The following XRCC5 variants were observed in gnomAD, a reference collection of about 807,000 sequenced individuals.
XRCC5 encodes the protein X-ray repair cross complementing 5.
Under a neutral mutation model 95.7 loss-of-function variants are expected in XRCC5, and 12 were observed. The observed-to-expected ratio is 0.13, with a 90% CI of 0.08 to 0.20. The LOEUF (loss-of-function observed/expected upper bound fraction) is 0.20. Ranked by LOEUF, XRCC5 falls within the 10% of genes least tolerant of loss-of-function variation. The probability of loss-of-function intolerance (pLI) is 1.00; values close to 1 mark genes in which losing one functional copy is unlikely to be tolerated. For synonymous variants in XRCC5, 281 were observed against 290.3 expected (o/e 0.97, Z 0.33); for missense variants, 595 against 873.9 (o/e 0.68, Z 4.02).
At chr2:216,202,538 A>G (rs544282837) in intron 19 of XRCC5, among the ~76,000 whole-genome samples, 1 of 152,332 alleles carries the variant, frequency 6.6e-6, no homozygotes, top group Non-Finnish European at 1.5e-5. Context: ...AACAGAATGA[A>G]TGAAACAGAA....
rs1689532925 is a variant in XRCC5, at chr2:216,187,850, CT to C, written c.1835-2374del. On this transcript the variant is annotated intron_variant, in intron 16 of 20. Coordinates refer to ENST00000392132, the MANE Select transcript of XRCC5 (RefSeq NM_021141.4). ...TCTCTCTCTCTCTCTCTCTCTCTCT[CT>C]CTCTCTCTCTCCCCGTCTCCCTGTC... 5.8e-5 allele frequency among the ~76,000 whole-genome samples: 8 copies of C among 138,318 alleles called. No individual in the cohort carries two copies. In the South Asian group the frequency reaches 1.2e-3, roughly 21 times the overall value. The allele number at this position is 138,318 out of a possible 152,430, so 90.7% of individuals were successfully genotyped here.
intron 19 of XRCC5, among the ~76,000 whole-genome samples, chr2:216,203,407 A>G (rs1263857816): frequency 1.3e-5 from 2 of 152,196 alleles, no homozygotes; most frequent in Non-Finnish European, 2.9e-5. Flanking sequence ...GCATTGCTAG[A>G]TAGATATGCA....
chr2:216,167,256 T>TG (rs1689068393), intron 16 of XRCC5, among the ~76,000 whole-genome samples: 1 of 152,200 alleles, frequency 6.6e-6, no homozygotes, highest in Admixed American at 6.5e-5. Context: ...CTAGAGTCTT[T>TG]TTGCCTTTGT....
At chr2:216,176,127 CT>C (rs202152493) in intron 16 of XRCC5, 15 of 169,428 alleles carry the variant, frequency 8.9e-5, no homozygotes, top group South Asian at 2.9e-4. Flanking sequence ...CAATTTTTTT[CT>C]TTTTTTTGGA....
chr2:216,127,640 T>G lies in XRCC5; in HGVS notation c.903T>G (p.Asp301Glu). ...CAGTTTATTGCTTAAATGATGATGA[T>G]GAAACTGAAGTTTTAAAAGAGGATA... Reference protein sequence around the residue: ...KETVYCLNDDDETEVLKEDII... With the variant: ...KETVYCLNDDEETEVLKEDII... Residue 301 changes from aspartate to glutamate, a missense_variant, in exon 8 of 21, where the codon GAT becomes GAG. By Grantham distance (45) the Asp-to-Glu change is conservative. Transcript: ENST00000392132. 6.2e-7 allele frequency: 1 copy of G among 1,608,500 alleles called. No individual in the cohort carries two copies. Among genetic ancestry groups the G allele is most frequent in the East Asian group, 2.2e-5 (1 of 44,724 alleles).
intron 1 of XRCC5, among the ~76,000 whole-genome samples, chr2:216,112,564 C>G (rs540662627): frequency 1.5e-4 from 23 of 152,344 alleles, no homozygotes; most frequent in African/African-American, 5.0e-4. Context: ...GCAGTCACTT[C>G]TTGTGACAAA....
At position 216,193,358 on chromosome 2, in the gene XRCC5, G is replaced by A. The variant is rs41296751; in HGVS notation, c.2041+623G>A. Among the ~76,000 whole-genome samples the A allele has an allele frequency of 7.9e-3, 1,198 of 152,116 alleles. 18 individuals are homozygous for A. The highest frequency in any genetic ancestry group is 0.027 in the African/African-American group (1,139 of 41,478). On this transcript the variant is annotated intron_variant, in intron 18 of 20. Transcript: ENST00000392132. Reference sequence around the variant, plus strand: ...GACCTGATTTTCTTTTAGAACCCAAGTATAAGATATTACTTGTTTAAAATA... The same window carrying A: ...GACCTGATTTTCTTTTAGAACCCAAATATAAGATATTACTTGTTTAAAATA...
At chr2:216,191,165 T>G (rs1011511477) in intron 17 of XRCC5, among the ~76,000 whole-genome samples, 20 of 152,158 alleles carry the variant, frequency 1.3e-4, no homozygotes, top group Admixed American at 1.3e-3. Flanking sequence ...TGCAGATGAT[T>G]CAGTTGGATG....
chr2:216,149,725 G>A (rs1253338519), intron 14 of XRCC5, among the ~76,000 whole-genome samples: 1 of 152,064 alleles, frequency 6.6e-6, no homozygotes, highest in Non-Finnish European at 1.5e-5. Context: ...AGTTAAAAAA[G>A]CACACCACCC....
rs1223632848 is a variant in XRCC5 at position 216,205,496 on chromosome 2, T to G, written c.*294T>G. ...TATATTACATACATGCTTTGAAGTT[T>G]CTGGAAAGTAGATCTTTTCTTGACC... On this transcript the variant is annotated 3_prime_UTR_variant, in exon 21 of 21. Coordinates refer to ENST00000392132, the MANE Select transcript of XRCC5 (RefSeq NM_021141.4). The G allele has an allele frequency of 2.4e-6, 1 of 410,074 alleles. No homozygotes were observed. The highest frequency in any genetic ancestry group is 4.4e-6 in the Non-Finnish European group (1 of 226,464). 25.4% of individuals were successfully genotyped at this position (410,074 alleles called of 1,614,324 possible).
intron 16 of XRCC5, among the ~76,000 whole-genome samples, chr2:216,188,274 C>T (rs982244771): frequency 6.6e-6 from 1 of 152,136 alleles, no homozygotes; most frequent in African/African-American, 2.4e-5. Context: ...AAATTCAAAC[C>T]AATTAATATA....
intron 18 of XRCC5, among the ~76,000 whole-genome samples, chr2:216,193,150 AC>A (rs1689650139): frequency 6.6e-6 from 1 of 152,080 alleles, no homozygotes; most frequent in Non-Finnish European, 1.5e-5. Context: ...CTTTTCATTT[AC>A]CATGTTCTTG....
intron 16 of XRCC5, among the ~76,000 whole-genome samples, chr2:216,181,397 C>T (rs1689383866): frequency 6.6e-6 from 1 of 152,286 alleles, no homozygotes; most frequent in African/African-American, 2.4e-5. Context: ...GTCCCCCATT[C>T]AAGGCTTGCC....
intron 16 of XRCC5, among the ~76,000 whole-genome samples, chr2:216,183,638 G>T (rs542409654): frequency 2.5e-4 from 38 of 152,176 alleles, no homozygotes; most frequent in Non-Finnish European, 4.9e-4. Context: ...TCTCTCTGTC[G>T]TATCTACTGA....
intron 17 of XRCC5, among the ~76,000 whole-genome samples, chr2:216,191,452 C>T (rs903191013): frequency 9.2e-5 from 14 of 151,868 alleles, no homozygotes; most frequent in Middle Eastern, 3.4e-3. Context: ...ACTCTTGTCG[C>T]CCAGGCTGGA....
At chr2:216,130,774 C>T (rs1301693268) in intron 8 of XRCC5, 101 bp from the exon 9 acceptor site, 1 of 672,778 alleles carries the variant, frequency 1.5e-6, no homozygotes, top group East Asian at 2.8e-5. Flanking sequence ...GAGGCTTGCT[C>T]TGGCGTGTGC....
intron 20 of XRCC5, 26 bp from the exon 21 acceptor site, chr2:216,205,158 CCTTT>C (rs750346822): frequency 1.2e-6 from 2 of 1,613,696 alleles, no homozygotes; most frequent in Non-Finnish European, 8.5e-7. Flanking sequence ...TGGCCTGATT[CCTTT>C]CTAAGTGTGT....
At chr2:216,136,185 C>T (rs1346266506) in intron 10 of XRCC5, among the ~76,000 whole-genome samples, 3 of 151,854 alleles carry the variant, frequency 2.0e-5, no homozygotes, top group African/African-American at 4.8e-5. Flanking sequence ...GGAGAAACCT[C>T]GTCTCTACTA....
At position 216,172,452 on chromosome 2, in the gene XRCC5, G is replaced by A. The variant is rs982064524; in HGVS notation, c.1834+10404G>A. 5.9e-5 allele frequency among the ~76,000 whole-genome samples: 8 copies of A among 135,390 alleles called. No individual in the cohort carries two copies. The South Asian group carries it at 2.0e-3, about 34-fold the overall frequency. 88.8% of individuals were successfully genotyped at this position (135,390 alleles called of 152,430 possible). A position where few individuals can be genotyped will look rare whatever the true frequency, so the allele number is the denominator to read the frequency against. On this transcript the variant is annotated intron_variant, in intron 16 of 20. Transcript: ENST00000392132. ...CATTTGCGTTTCCATGGAAACTTTA[G>A]CATCAGCTTTTCTTTTCTTTTTTTT...
Sources: gnomAD v4.1 joint callset for allele counts (sites outside exome capture counted in the v4.1 genomes callset) on GRCh38, gnomAD v4.1.1 for gene constraint, MANE v1.5 for transcripts, NCBI Gene and HGNC (gene_info 2026-07-23, HGNC 2026-07-21) for gene names.